The following XRCC4 variants were observed in gnomAD, a reference collection of about 807,000 sequenced individuals.
The protein encoded by XRCC4 is DNA repair protein XRCC4.
In XRCC4, 28 loss-of-function variants were observed where a neutral mutation model predicts 39.1. That is an observed-to-expected ratio of 0.72 (90% CI 0.53 to 0.98). XRCC4 has a LOEUF of 0.98. XRCC4 is among the 50% of genes least tolerant of loss of function. XRCC4 has a pLI of 0.00. For missense variants in XRCC4, 350 were observed against 376.4 expected, an observed-to-expected ratio of 0.93 and a Z score of 0.58; for synonymous variants, 123 against 126.4, an observed-to-expected ratio of 0.97 and a Z score of 0.18.
chr5:83,333,161 T>G lies in XRCC4; in HGVS notation c.894-19970T>G, dbSNP rs562183103. 5.9e-5 allele frequency among the ~76,000 whole-genome samples: 9 copies of G among 152,216 alleles called. No homozygotes were observed. The South Asian group carries it at 1.9e-3, about 32-fold the overall frequency. On this transcript the variant is annotated intron_variant, in intron 7 of 7. Coordinates refer to ENST00000396027, the MANE Select transcript of XRCC4 (RefSeq NM_003401.5). ...GGAAACTCTGGGCTATGTGTGAAGA[T>G]CTAAAACTTCTAATGGAACTCTTAT...
chr5:83,355,985 T>G (rs1580544973), downstream of XRCC4, among the ~76,000 whole-genome samples: 1 of 152,158 alleles, frequency 6.6e-6, no homozygotes, highest in Non-Finnish European at 1.5e-5. Flanking sequence ...ACACATACAC[T>G]ATTAATCAGG....
chr5:83,251,877 T>C (rs1350253069), intron 6 of XRCC4, among the ~76,000 whole-genome samples: 9 of 152,244 alleles, frequency 5.9e-5, no homozygotes, highest in African/African-American at 2.2e-4. Context: ...TGGTAATTAA[T>C]AGATTACACC....
chr5:83,104,520 G>A (rs1746102138), intron 1 of XRCC4, among the ~76,000 whole-genome samples: 1 of 152,078 alleles, frequency 6.6e-6, no homozygotes, highest in Non-Finnish European at 1.5e-5. Context: ...GTTTCACCAT[G>A]TTGGCCAGAC....
chr5:83,109,994 A>T (rs1257615776), intron 2 of XRCC4, among the ~76,000 whole-genome samples: 1 of 152,050 alleles, frequency 6.6e-6, no homozygotes, highest in Non-Finnish European at 1.5e-5. Flanking sequence ...AACCTGTGTT[A>T]TGTGTGGATG....
chr5:83,332,606 G>A (rs1164597838), intron 7 of XRCC4, among the ~76,000 whole-genome samples: 1 of 152,188 alleles, frequency 6.6e-6, no homozygotes, highest in Non-Finnish European at 1.5e-5. Flanking sequence ...GGTAAATGCT[G>A]TACATGGACT....
At position 83,241,955 on chromosome 5, in the gene XRCC4, A is replaced by AGAG. The variant is rs144761951; in HGVS notation, c.746-16549_746-16547dup. Among the ~76,000 whole-genome samples the AGAG allele has an allele frequency of 2.8e-3, 409 of 148,592 alleles. 2 individuals are homozygous for AGAG. The highest frequency in any genetic ancestry group is 7.9e-3 in the African/African-American group (319 of 40,146). On this transcript the variant is annotated intron_variant, in intron 6 of 7. Coordinates refer to ENST00000396027, the MANE Select transcript of XRCC4 (RefSeq NM_003401.5). ...CTGAGGAAGAGTGGGAGGAGGAGGAAGAGGAGGAGGAGGAGGAGGAGGAGG... is the reference window on the plus strand; with the variant it reads ...CTGAGGAAGAGTGGGAGGAGGAGGAAGAGGAGGAGGAGGAGGAGGAGGAGGAGG...
chr5:83,358,932 C>A, the XRCC4 span, among the ~76,000 whole-genome samples: 1 of 152,170 alleles, frequency 6.6e-6, no homozygotes, highest in African/African-American at 2.4e-5. Context: ...TCAAGATGGC[C>A]ACCCTGTTGA....
At chr5:83,326,372 T>C (rs1021218056) in intron 7 of XRCC4, among the ~76,000 whole-genome samples, 1 of 152,076 alleles carries the variant, frequency 6.6e-6, no homozygotes, top group South Asian at 2.1e-4. Flanking sequence ...CTTCTAGGAT[T>C]TTTATAGTTT....
chr5:83,283,177 G>A (rs1754610362), intron 7 of XRCC4, among the ~76,000 whole-genome samples: 1 of 152,046 alleles, frequency 6.6e-6, no homozygotes. Context: ...TAAACCTGCT[G>A]TAGCTATGAA....
the XRCC4 span, among the ~76,000 whole-genome samples, chr5:83,364,197 C>T: frequency 6.6e-6 from 1 of 152,126 alleles, no homozygotes; most frequent in African/African-American, 2.4e-5. Flanking sequence ...TGCCCAAGAA[C>T]AAAGTGGCAG....
intron 7 of XRCC4, among the ~76,000 whole-genome samples, chr5:83,302,270 A>AT (rs1257781189): frequency 6.6e-6 from 1 of 152,046 alleles, no homozygotes; most frequent in African/African-American, 2.4e-5. Flanking sequence ...AAAAAAAAAA[A>AT]AATAGCTTGG....
chr5:83,341,373 C>T (rs538643492), intron 7 of XRCC4, among the ~76,000 whole-genome samples: 10 of 152,202 alleles, frequency 6.6e-5, no homozygotes, highest in African/African-American at 2.4e-4. Context: ...AATGTATATA[C>T]ACACATATTC....
intron 7 of XRCC4, among the ~76,000 whole-genome samples, chr5:83,300,056 A>T (rs1755223904): frequency 6.6e-6 from 1 of 152,214 alleles, no homozygotes; most frequent in African/African-American, 2.4e-5. Flanking sequence ...CTTTGTACGT[A>T]CACTATGGGA....
At chr5:83,133,300 C>A (rs1747699093) in intron 3 of XRCC4, among the ~76,000 whole-genome samples, 1 of 152,184 alleles carries the variant, frequency 6.6e-6, no homozygotes, top group Non-Finnish European at 1.5e-5. Context: ...TCGGCCCCTA[C>A]TGGGAGGTGC....
intron 3 of XRCC4, among the ~76,000 whole-genome samples, chr5:83,152,067 T>C (rs967930379): frequency 1.4e-4 from 22 of 152,214 alleles, no homozygotes; most frequent in Non-Finnish European, 2.6e-4. Flanking sequence ...ACATACCAAC[T>C]AATGACTAAT....
chr5:83,235,806 T>G (rs1383278444), intron 6 of XRCC4, among the ~76,000 whole-genome samples: 1 of 152,162 alleles, frequency 6.6e-6, no homozygotes, highest in Non-Finnish European at 1.5e-5. Context: ...TGAGATATGA[T>G]TTTATATTTA....
intron 3 of XRCC4, among the ~76,000 whole-genome samples, chr5:83,115,514 TGC>T (rs1746670536): frequency 1.3e-5 from 2 of 152,210 alleles, no homozygotes; most frequent in South Asian, 4.1e-4. Context: ...ATGGAGTACT[TGC>T]CATGACTGGC....
chr5:83,308,587 A>G (rs1290515937), intron 7 of XRCC4, among the ~76,000 whole-genome samples: 1 of 152,192 alleles, frequency 6.6e-6, no homozygotes, highest in African/African-American at 2.4e-5. Context: ...CCCTTTAAAA[A>G]TATTCCTCTT....
Position 83,233,509 on chromosome 5 carries a change from T to C in XRCC4, c.746-25021T>C, listed in dbSNP as rs113581531. Among the ~76,000 whole-genome samples the C allele has an allele frequency of 5.9e-3, 902 of 152,240 alleles. 12 individuals carry two copies. The highest frequency in any genetic ancestry group is 0.021 in the African/African-American group (866 of 41,558). On this transcript the variant is annotated intron_variant, in intron 6 of 7. Coordinates refer to ENST00000396027, the MANE Select transcript of XRCC4 (RefSeq NM_003401.5). ...TGTTTGCCTTATTGGGGGAACCCATTCTTCTCCAGAAAAGGACAGATCCTC... is the reference window on the plus strand; with the variant it reads ...TGTTTGCCTTATTGGGGGAACCCATCCTTCTCCAGAAAAGGACAGATCCTC...
Sources: allele counts gnomAD v4.1 joint callset (sites outside exome capture counted in the v4.1 genomes callset), GRCh38; gene constraint gnomAD v4.1.1; transcripts MANE v1.5; gene names NCBI Gene and HGNC (gene_info 2026-07-23, HGNC 2026-07-21).